Variants in COL6A3 observed in about 807,000 individuals in gnomAD.
The protein encoded by COL6A3 is collagen alpha-3(VI) chain.
COL6A3 carries 137 observed loss-of-function variants against 274.1 expected under a neutral mutation model. The observed-to-expected ratio is 0.50, with a 90% CI of 0.44 to 0.58. The LOEUF (loss-of-function observed/expected upper bound fraction) is 0.58. Ranked by LOEUF, COL6A3 falls within the 20% of genes least tolerant of loss-of-function variation. The pLI, the probability that COL6A3 is intolerant of heterozygous loss-of-function variation, is 0.00. For missense variants in COL6A3, 3,950 were observed against 4,124.9 expected, an observed-to-expected ratio of 0.96 and a Z score of 1.16; for synonymous variants, 1,650 against 1,650.6, an observed-to-expected ratio of 1.00 and a Z score of 0.01.
chr2:237,368,930 C>T lies in COL6A3; in HGVS notation c.4533G>A (p.Gly1511=), dbSNP rs2645774. 2 of 1,613,864 alleles carry T rather than the reference C, an allele frequency of 1.2e-6. No homozygotes were observed. The highest frequency in any genetic ancestry group is 1.3e-5 in the African/African-American group (1 of 74,858). ...DAIRRLRLRG[G]SPLNTGKALE... is the part of the protein sequence containing the mutation. ...GAGCCTTGCCAGTGTTCAGTGGGGACCCCCCTCTGAGCCTCAGGCGCCGTA... is the reference window on the plus strand; with the variant it reads ...GAGCCTTGCCAGTGTTCAGTGGGGATCCCCCTCTGAGCCTCAGGCGCCGTA... Residue 1511 remains glycine (G), a synonymous_variant, in exon 10 of 44, where the codon GGG becomes GGA. Coordinates refer to ENST00000295550, the MANE Select transcript of COL6A3 (RefSeq NM_004369.4). The surrounding 1 kb of genome is among the most constrained non-coding windows in gnomAD (Gnocchi z 4.4).
chr2:237,376,266 A>C (rs2077836924), intron 7 of COL6A3, among the ~76,000 whole-genome samples: 1 of 152,196 alleles, frequency 6.6e-6, no homozygotes, highest in African/African-American at 2.4e-5. Context: ...ATGAAAAGTC[A>C]TGGCAGTGTC....
chr2:237,381,449 C>A lies in COL6A3; in HGVS notation c.1363G>T (p.Ala455Ser). ...DIVFLVDGSS[A>S]LGLANFNAIR... Reference sequence around the variant, plus strand: ...GCATTGAAGTTGGCCAGTCCCAGTGCAGATGAGCCATCCACCAGGAAGACT... The same window carrying A: ...GCATTGAAGTTGGCCAGTCCCAGTGAAGATGAGCCATCCACCAGGAAGACT... The change falls in exon 5 of 44, where the codon GCA becomes TCA. Residue 455 changes from alanine (A) to serine (S), a missense_variant. Around this residue, in one of 5 missense-constraint regions of COL6A3, gnomAD observed 1,934 missense variants for 1,984.3 expected, o/e 0.97. Coordinates refer to ENST00000295550, the MANE Select transcript of COL6A3 (RefSeq NM_004369.4). 6.2e-7 allele frequency: 1 copy of A among 1,609,522 alleles called. No homozygotes were observed. Among genetic ancestry groups the A allele is most frequent in the Non-Finnish European group, 8.5e-7 (1 of 1,180,020 alleles).
intron 4 of COL6A3, 68 bp from the exon 5 acceptor site, chr2:237,381,567 C>G (rs888639396): frequency 1.6e-5 from 20 of 1,280,872 alleles, no homozygotes; most frequent in Admixed American, 1.9e-5. Context: ...TGACTTTCAA[C>G]AAAGCTAACT....
Position 237,374,059 on chromosome 2 carries a change from G to A in COL6A3, c.3679+353C>T, listed in dbSNP as rs546598584. On this transcript the variant is annotated intron_variant, in intron 8 of 43. Transcript: ENST00000295550. This position sits in a 1 kb window ranked among gnomAD's most constrained non-coding sequence, Gnocchi z 4.8. Reference sequence around the variant, plus strand: ...CTGCTGACCAAACCTACCAGGGGTCGCAGGACTGATACGCAACAGGCGTTA... The same window carrying A: ...CTGCTGACCAAACCTACCAGGGGTCACAGGACTGATACGCAACAGGCGTTA... Among the ~76,000 whole-genome samples, 4 of 152,302 alleles carry A rather than the reference G, an allele frequency of 2.6e-5. No individual in the cohort carries two copies. In the East Asian group the frequency reaches 5.8e-4, roughly 22 times the overall value.
At position 237,344,517 on chromosome 2, in the gene COL6A3, G is replaced by A. The variant is rs1303293285; in HGVS notation, c.7501C>T (p.Arg2501Cys). The A allele has an allele frequency of 1.9e-6, 3 of 1,614,042 alleles. No individual in the cohort carries two copies. Among genetic ancestry groups the A allele is most frequent in the Non-Finnish European group, 2.5e-6 (3 of 1,180,038 alleles). The part of the protein sequence containing the change: ...MSFVARNTFK[R>C]VRNGFLMRKV... Reference sequence around the variant, plus strand: ...CTCATTAGGAATCCGTTCCTCACACGCTTAAATGTGTTCCTGGCCACAAAC... The same window carrying A: ...CTCATTAGGAATCCGTTCCTCACACACTTAAATGTGTTCCTGGCCACAAAC... Residue 2501 changes from arginine (R) to cysteine (C), a missense_variant, in exon 36 of 44, where the codon CGT becomes TGT. This residue lies in a region of COL6A3 where 1,284 missense variants were observed against 1,349.7 expected (regional missense o/e 0.95). Coordinates refer to ENST00000295550, the MANE Select transcript of COL6A3 (RefSeq NM_004369.4). The surrounding 1 kb of genome is among the most constrained non-coding windows in gnomAD (Gnocchi z 4.8).
intron 1 of COL6A3, among the ~76,000 whole-genome samples, chr2:237,402,783 T>C (rs1021512372): frequency 6.6e-6 from 1 of 152,158 alleles, no homozygotes; most frequent in Admixed American, 6.5e-5. Flanking sequence ...TCCTCTGAGC[T>C]TTGGAATCGG....
chr2:237,350,141 C>A lies in COL6A3; in HGVS notation c.6879+6G>T, dbSNP rs1453463951. 4 of 1,613,906 alleles carry A rather than the reference C, an allele frequency of 2.5e-6. No homozygotes were observed. Among genetic ancestry groups the A allele is most frequent in the South Asian group, 1.1e-5 (1 of 91,072 alleles). ...CAGCCTGACCCCAAGCGCGCTGTGA[C>A]CTTACCGTCTCCCCACGAGGGCCCC... is the stretch of plus-strand genomic sequence containing the variant. On this transcript the variant is annotated splice_donor_region_variant and intron_variant, in intron 28 of 43. Coordinates refer to ENST00000295550, the MANE Select transcript of COL6A3 (RefSeq NM_004369.4).
rs763154559 is a variant in COL6A3 at position 237,325,742 on chromosome 2, G to T, written c.9329-18C>A. ...GCATATATCTTTAATAAAAACATGAGAAAAGGATATTAATGAGAACATGCG... is the reference window on the plus strand; with the variant it reads ...GCATATATCTTTAATAAAAACATGATAAAAGGATATTAATGAGAACATGCG... On this transcript the variant is annotated intron_variant, in intron 42 of 43. Coordinates refer to ENST00000295550, the MANE Select transcript of COL6A3 (RefSeq NM_004369.4). 1.4e-5 allele frequency: 23 copies of T among 1,609,876 alleles called. No homozygotes were observed. The highest frequency in any genetic ancestry group is 1.8e-5 in the Non-Finnish European group (21 of 1,177,856).
rs533582878 is a variant in COL6A3 at position 237,348,352 on chromosome 2, T to C, written c.6963A>G (p.Pro2321=). Residue 2321 remains proline (P), a synonymous_variant, in exon 30 of 44, where the codon CCA becomes CCG. Coordinates refer to ENST00000295550, the MANE Select transcript of COL6A3 (RefSeq NM_004369.4). ...TCACCGACCAGGGATTATTTACCTT[T>C]GGTCCTGGGTATCCAGGGAATCCTC... ...GERGFPGYPG[P]KGNPGEPGLN... The C allele has an allele frequency of 6.2e-7, 1 of 1,608,316 alleles. No homozygotes were observed. The highest frequency in any genetic ancestry group is 1.1e-5 in the South Asian group (1 of 90,932).
chr2:237,350,535 C>T (rs888419941), intron 27 of COL6A3, among the ~76,000 whole-genome samples: 5 of 152,172 alleles, frequency 3.3e-5, no homozygotes, highest in African/African-American at 1.2e-4. Context: ...CAGAGACCAT[C>T]GTGGATTCAC....
At position 237,364,076 on chromosome 2, in the gene COL6A3, T is replaced by A. The variant is rs116362200; in HGVS notation, c.5917+274A>T. Among the ~76,000 whole-genome samples the A allele has an allele frequency of 2.1e-3, 320 of 152,318 alleles. No individual in the cohort carries two copies. The highest frequency in any genetic ancestry group is 7.0e-3 in the African/African-American group (291 of 41,572). The stretch of plus-strand genomic sequence containing the variant: ...AGTTAAATGAATCAATACGTCATGA[T>A]CTTTTGCAAAAGCATCATGCTTTCT... On this transcript the variant is annotated intron_variant, in intron 13 of 43. Coordinates refer to ENST00000295550, the MANE Select transcript of COL6A3 (RefSeq NM_004369.4). The surrounding 1 kb of genome is among the most constrained non-coding windows in gnomAD (Gnocchi z 4.6).
In COL6A3 at chr2:237,336,355, CGCAGGGGCCGGCTTT is replaced by C; in HGVS notation, c.8730_8744del (p.Ala2913_Pro2917del). 1.9e-6 allele frequency: 3 copies of C among 1,613,618 alleles called. No homozygotes were observed. Among genetic ancestry groups the C allele is most frequent in the Non-Finnish European group, 2.5e-6 (3 of 1,179,656 alleles). On this transcript the variant is annotated inframe_deletion, in exon 40 of 44. Coordinates refer to ENST00000295550, the MANE Select transcript of COL6A3 (RefSeq NM_004369.4). ...CCACAGGCTTGGCAGCCACAGGTTT[CGCAGGGGCCGGCTTT>C]GCAGCGGCTGGCTTCACAGATGGCT...
chr2:237,368,602 C>A lies in COL6A3; in HGVS notation c.4861G>T (p.Ala1621Ser). The change falls in exon 10 of 44, where the codon GCA (alanine) becomes TCA (serine). Residue 1621 changes from alanine (A) to serine (S), a missense_variant. Ala to Ser is a moderately conservative substitution (Grantham distance 99). Around this residue, in one of 5 missense-constraint regions of COL6A3, gnomAD observed 632 missense variants for 623.4 expected, o/e 1.01. Transcript: ENST00000295550. The surrounding 1 kb of genome is among the most constrained non-coding windows in gnomAD (Gnocchi z 4.4). ...NSFGPSAATP[A>S]PPGVDTPPPS... is the part of the protein sequence containing the mutation. ...GGAGGGGTGTCCACCCCTGGAGGTG[C>A]AGGAGTGGCTGCGGAGGGTCCAAAC... 1.9e-6 allele frequency: 3 copies of A among 1,614,074 alleles called. No individual in the cohort carries two copies. The South Asian group carries it at 3.3e-5, about 18-fold the overall frequency.
chr2:237,390,116 A>G (rs906144817), intron 3 of COL6A3, among the ~76,000 whole-genome samples: 1 of 152,254 alleles, frequency 6.6e-6, no homozygotes, highest in African/African-American at 2.4e-5. Context: ...CTTCCTCAGC[A>G]TATCAAGACG....
chr2:237,378,435 G>C (rs2106366237), intron 6 of COL6A3, among the ~76,000 whole-genome samples: 1 of 152,352 alleles, frequency 6.6e-6, no homozygotes, highest in East Asian at 1.9e-4. Context: ...GGATGTTCTA[G>C]ACTTTCCTTC....
intron 42 of COL6A3, among the ~76,000 whole-genome samples, chr2:237,331,111 T>C (rs1211630036): frequency 6.6e-6 from 1 of 152,206 alleles, no homozygotes; most frequent in African/African-American, 2.4e-5. Context: ...TGGACACATG[T>C]AAATATAAAA....
At position 237,364,242 on chromosome 2, in the gene COL6A3, G is replaced by A. The variant is rs912522998; in HGVS notation, c.5917+108C>T. On this transcript the variant is annotated intron_variant, in intron 13 of 43. Coordinates refer to ENST00000295550, the MANE Select transcript of COL6A3 (RefSeq NM_004369.4). The surrounding 1 kb of genome is among the most constrained non-coding windows in gnomAD (Gnocchi z 4.6). The stretch of plus-strand genomic sequence containing the variant: ...GGGAGGAAGAGTCTCCCAAGACAAC[G>A]CTGCTCCCTTGGGGCGCTGCATTAG... 2.4e-5 allele frequency: 21 copies of A among 874,962 alleles called. No homozygotes were observed. The highest frequency in any genetic ancestry group is 9.8e-5 in the African/African-American group (6 of 60,940). The allele number at this position is 874,962 out of a possible 1,614,324, so 54.2% of individuals were successfully genotyped here. A position where few individuals can be genotyped will look rare whatever the true frequency, so the allele number is the denominator to read the frequency against.
Position 237,354,979 on chromosome 2 carries a change from C to T in COL6A3, c.6592-45G>A, listed in dbSNP as rs376906085. 4.6e-5 allele frequency: 73 copies of T among 1,586,958 alleles called. 3 individuals are homozygous for T. In the Middle Eastern group the frequency reaches 5.8e-3, roughly 126 times the overall value. On this transcript the variant is annotated intron_variant, in intron 23 of 43. Transcript: ENST00000295550. ...ACAAACTGTGAGGGGGAGCATGGGA[C>T]GCTGGGCATGGGGCCTAGAGCTCTT...
intron 5 of COL6A3, among the ~76,000 whole-genome samples, chr2:237,380,251 A>T (rs908731466): frequency 2.0e-5 from 3 of 152,240 alleles, no homozygotes; most frequent in Non-Finnish European, 4.4e-5. Context: ...GGAAAGCATC[A>T]TTCTGTGATG....
Sources: allele counts gnomAD v4.1 joint callset (sites outside exome capture counted in the v4.1 genomes callset), GRCh38; gene constraint gnomAD v4.1.1; regional missense constraint gnomAD v4.1.1; non-coding constraint Gnocchi (gnomAD v3.1); transcripts MANE v1.5; gene names NCBI Gene and HGNC (gene_info 2026-07-23, HGNC 2026-07-21).